Variants in RP1L1 observed in about 807,000 individuals in gnomAD.
The protein encoded by RP1L1 is RP1 like 1.
In RP1L1, 27 loss-of-function variants were observed where a neutral mutation model predicts 15.7. The ratio of observed to expected loss-of-function variants is 1.72; its 90% CI spans 1.27 to 2.38. The LOEUF is 2.38. Among genes scored for constraint, RP1L1 ranks in the 30% most tolerant of loss-of-function variants. RP1L1 has a pLI of 0.00. For synonymous variants in RP1L1, 1,813 were observed against 1,276.7 expected (o/e 1.42, Z -8.96); for missense variants, 4,798 against 3,075.9 (o/e 1.56, Z -13.24).
intron 1 of RP1L1, among the ~76,000 whole-genome samples, chr8:10,647,095 C>A (rs971028493): frequency 2.0e-5 from 3 of 152,230 alleles, no homozygotes; most frequent in African/African-American, 7.2e-5. Context: ...AAAGAGCTGT[C>A]CCGCCTTCAG....
At chr8:10,626,862 A>T (rs1201174894) in intron 1 of RP1L1, among the ~76,000 whole-genome samples, 1 of 152,212 alleles carries the variant, frequency 6.6e-6, no homozygotes, top group African/African-American at 2.4e-5. Flanking sequence ...TGAGAGCGGC[A>T]GGAGCCACTG....
rs750002050 is a variant in RP1L1 at position 10,611,633 on chromosome 8, C to T, written c.2465G>A (p.Arg822Gln). ...CCCAGGCTGTGAGCAGCAGTGGCTTCGGTGGGGGCCCACCGCCCCTTGCTC... is the reference window on the plus strand; with the variant it reads ...CCCAGGCTGTGAGCAGCAGTGGCTTTGGTGGGGGCCCACCGCCCCTTGCTC... ...RPEQGAVGPHRSHCCSQPGTQ... is the reference protein window; with the variant it reads ...RPEQGAVGPHQSHCCSQPGTQ... The change falls in exon 4 of 4, where the codon CGA becomes CAA. Residue 822 changes from arginine (R) to glutamine (Q), a missense_variant. Arg to Gln is a conservative substitution (Grantham distance 43). Transcript: ENST00000382483. The T allele has an allele frequency of 2.9e-5, 47 of 1,612,614 alleles. No individual in the cohort carries two copies. In the Admixed American group the frequency reaches 3.3e-4, roughly 11 times the overall value.
At chr8:10,647,602 G>A (rs765684984) in intron 1 of RP1L1, among the ~76,000 whole-genome samples, 3 of 152,142 alleles carry the variant, frequency 2.0e-5, no homozygotes, top group Non-Finnish European at 4.4e-5. Context: ...TTGTCCTTTC[G>A]TGACTGGCTT....
intron 1 of RP1L1, among the ~76,000 whole-genome samples, chr8:10,636,456 C>T (rs1022618322): frequency 2.0e-5 from 3 of 152,184 alleles, no homozygotes; most frequent in Non-Finnish European, 4.4e-5. Flanking sequence ...CGCATCTGCC[C>T]TGTGGGGCTG....
In RP1L1 at chr8:10,611,947, C is replaced by T; in HGVS notation, c.2151G>A (p.Gly717=). The change falls in exon 4 of 4, where the codon GGG becomes GGA. Residue 717 remains glycine (G), a synonymous_variant. Transcript: ENST00000382483. Reference sequence around the variant, plus strand: ...AGCCCGAGGAGGGAGGTCTCAGGTTCCCAGAGGCCTGTGTCCTGGTGCTCG... The same window carrying T: ...AGCCCGAGGAGGGAGGTCTCAGGTTTCCAGAGGCCTGTGTCCTGGTGCTCG... ...SSSSTRTQAS[G]NLRPPSSGSL... The T allele has an allele frequency of 6.2e-7, 1 of 1,613,862 alleles. No homozygotes were observed. Among genetic ancestry groups the T allele is most frequent in the Non-Finnish European group, 8.5e-7 (1 of 1,180,008 alleles).
intron 1 of RP1L1, among the ~76,000 whole-genome samples, chr8:10,634,495 C>T (rs1364772734): frequency 6.6e-6 from 1 of 152,182 alleles, no homozygotes; most frequent in Non-Finnish European, 1.5e-5. Flanking sequence ...AGCCGACATA[C>T]AGAAAGCGAG....
rs577028390 is a variant in RP1L1, at chr8:10,610,850, G to A, written c.3248C>T (p.Thr1083Met). Residue 1083 changes from threonine to methionine, a missense_variant, in exon 4 of 4, where the codon ACG (threonine) becomes ATG (methionine). By Grantham distance (81) the Thr-to-Met change is moderately conservative. Coordinates refer to ENST00000382483, the MANE Select transcript of RP1L1 (RefSeq NM_178857.6). ...RALPGRVSASTQIMRALMGSK... is the reference protein window; with the variant it reads ...RALPGRVSASMQIMRALMGSK... ...GCCCATCAGCGCCCTCATGATCTGC[G>A]TGGAGGCAGACACCCGGCCAGGAAG... The A allele has an allele frequency of 2.6e-5, 42 of 1,608,452 alleles. No individual in the cohort carries two copies. In the African/African-American group the frequency reaches 4.1e-4, roughly 16 times the overall value.
Position 10,606,751 on chromosome 8 carries a change from T to A in RP1L1, c.*144A>T, listed in dbSNP as rs1797707914. The stretch of plus-strand genomic sequence containing the variant: ...TTAAGAGTCCCAGGACAGCATGGCA[T>A]GGGCTGTGTCCTTGGCAAGTCCTTG... On this transcript the variant is annotated 3_prime_UTR_variant, in exon 4 of 4. Transcript: ENST00000382483. 2 of 1,366,822 alleles carry A rather than the reference T, an allele frequency of 1.5e-6. No individual in the cohort carries two copies. Among genetic ancestry groups the A allele is most frequent in the South Asian group, 2.7e-5 (2 of 72,740 alleles). 84.7% of individuals were successfully genotyped at this position (1,366,822 alleles called of 1,614,324 possible). A position where few individuals can be genotyped will look rare whatever the true frequency, so the allele number is the denominator to read the frequency against.
At chr8:10,622,500 C>CT (rs1258162965) in intron 2 of RP1L1, 93 bp downstream of exon 2, 5 of 1,569,570 alleles carry the variant, frequency 3.2e-6, no homozygotes, top group Non-Finnish European at 3.5e-6. Flanking sequence ...TCAAATGCCT[C>CT]TTTTTAAGGA....
At chr8:10,618,238 G>T (rs1261283397) in intron 2 of RP1L1, among the ~76,000 whole-genome samples, 1 of 152,176 alleles carries the variant, frequency 6.6e-6, no homozygotes, top group Non-Finnish European at 1.5e-5. Context: ...AGTGGTTCAT[G>T]CCTGTAATCT....
At chr8:10,615,592 G>A (rs756461833) in intron 3 of RP1L1, among the ~76,000 whole-genome samples, 4 of 152,132 alleles carry the variant, frequency 2.6e-5, no homozygotes, top group Non-Finnish European at 4.4e-5. Flanking sequence ...GCAGTGGCAC[G>A]ATCATGACTC....
rs376508933 is a variant in RP1L1, at chr8:10,611,405, G to A, written c.2693C>T (p.Thr898Met). ...PQEGTRQPGP[T>M]PSPGPNSGAS... ...CCCTGAATTGGGGCCTGGGGACGGC[G>A]TGGGGCCTGGCTGGCGTGTCCCCTC... Residue 898 changes from threonine to methionine, a missense_variant, in exon 4 of 4, where the codon ACG (threonine) becomes ATG (methionine). By Grantham distance (81) the Thr-to-Met change is moderately conservative. Transcript: ENST00000382483. The A allele has an allele frequency of 1.3e-5, 20 of 1,597,704 alleles. No homozygotes were observed. Among genetic ancestry groups the A allele is most frequent in the Admixed American group, 1.7e-5 (1 of 57,908 alleles).
chr8:10,654,372 T>C (rs1332925610), intron 1 of RP1L1, among the ~76,000 whole-genome samples: 1 of 152,128 alleles, frequency 6.6e-6, no homozygotes, highest in African/African-American at 2.4e-5. Context: ...GGACCTTCTA[T>C]GCCCCTTCCT....
chr8:10,606,918 C>T lies in RP1L1; in HGVS notation c.7180G>A (p.Gly2394Ser), dbSNP rs756139234. Residue 2394 changes from glycine to serine, a missense_variant, in exon 4 of 4, where the codon GGC becomes AGC. Coordinates refer to ENST00000382483, the MANE Select transcript of RP1L1 (RefSeq NM_178857.6). Reference sequence around the variant, plus strand: ...GTCTAGAAATCTAAGTCATCTTGGCCAAAGCCGTCTGCCCTGCCCACTGCC... The same window carrying T: ...GTCTAGAAATCTAAGTCATCTTGGCTAAAGCCGTCTGCCCTGCCCACTGCC... ...TEAVGRADGF[G>S]QDDLDF 1.2e-6 allele frequency: 2 copies of T among 1,614,220 alleles called. No homozygotes were observed. The highest frequency in any genetic ancestry group is 1.3e-5 in the African/African-American group (1 of 75,062).
In RP1L1 at chr8:10,609,726, T is replaced by C. The variant is rs757695933; in HGVS notation, c.4372A>G (p.Ser1458Gly). 2.5e-6 allele frequency: 4 copies of C among 1,613,348 alleles called. No homozygotes were observed. The highest frequency in any genetic ancestry group is 3.4e-6 in the Non-Finnish European group (4 of 1,179,664). ...EEPTEPPSHL[S>G]ETDPSASERQ... ...TCGCTGGCACTTGGGTCCGTCTCGC[T>C]GAGATGACTAGGGGGCTCTGTGGGT... Residue 1458 changes from serine to glycine, a missense_variant, in exon 4 of 4, where the codon AGC (serine) becomes GGC (glycine). Physicochemically the swap from Ser to Gly is moderately conservative, Grantham distance 56. Coordinates refer to ENST00000382483, the MANE Select transcript of RP1L1 (RefSeq NM_178857.6).
intron 1 of RP1L1, among the ~76,000 whole-genome samples, chr8:10,633,787 C>A (rs1798288436): frequency 6.6e-6 from 1 of 152,200 alleles, no homozygotes; most frequent in Non-Finnish European, 1.5e-5. Flanking sequence ...AAGGCATATT[C>A]TAATTATTGT....
chr8:10,608,833 G>T lies in RP1L1; in HGVS notation c.5265C>A (p.Asp1755Glu). ...DGEGSQRLNR[D>E]KDPKLGEAEG... ...CTGCCTCCCCGAGTTTGGGATCTTT[G>T]TCTCTGTTGAGTCTCTGGCTCCCCT... is the stretch of plus-strand genomic sequence containing the variant. The change falls in exon 4 of 4, where the codon GAC becomes GAA. Residue 1755 changes from aspartate to glutamate, a missense_variant. Transcript: ENST00000382483. 1 of 1,613,946 alleles carries T rather than the reference G, an allele frequency of 6.2e-7. No homozygotes were observed. Among genetic ancestry groups the T allele is most frequent in the Non-Finnish European group, 8.5e-7 (1 of 1,180,024 alleles).
chr8:10,611,213 T>A lies in RP1L1; in HGVS notation c.2885A>T (p.Asp962Val), dbSNP rs1255224551. 6.2e-7 allele frequency: 1 copy of A among 1,612,966 alleles called. No individual in the cohort carries two copies. Among genetic ancestry groups the A allele is most frequent in the East Asian group, 2.2e-5 (1 of 44,860 alleles). The change falls in exon 4 of 4, where the codon GAC becomes GTC. Residue 962 changes from aspartate (D) to valine (V), a missense_variant. Coordinates refer to ENST00000382483, the MANE Select transcript of RP1L1 (RefSeq NM_178857.6). ...SPEAVVREWL[D>V]NIPEEPILMT... ...GAGTATGGGCTCTTCTGGAATGTTGTCCAGCCATTCGCGGACCACAGCCTC... is the reference window on the plus strand; with the variant it reads ...GAGTATGGGCTCTTCTGGAATGTTGACCAGCCATTCGCGGACCACAGCCTC...
At chr8:10,625,895 G>T (rs577839806) in intron 1 of RP1L1, among the ~76,000 whole-genome samples, 1 of 152,032 alleles carries the variant, frequency 6.6e-6, no homozygotes, top group Non-Finnish European at 1.5e-5. Context: ...CAGTGCAGGT[G>T]GGGGGCAGGC....
Sources: allele counts gnomAD v4.1 joint callset (sites outside exome capture counted in the v4.1 genomes callset), GRCh38; gene constraint gnomAD v4.1.1; transcripts MANE v1.5; gene names NCBI Gene and HGNC (gene_info 2026-07-23, HGNC 2026-07-21).